ELP1: variants seen among roughly 807,000 people sequenced by gnomAD.
ELP1 encodes elongator acetyltransferase complex subunit 1, also known as elongator complex protein 1.
Under a neutral mutation model 183.2 loss-of-function variants are expected in ELP1, and 131 were observed. That is an observed-to-expected ratio of 0.72 (90% CI 0.62 to 0.83). The LOEUF (loss-of-function observed/expected upper bound fraction) is 0.83, where lower values mean the gene tolerates loss of function less well. Ranked by LOEUF, ELP1 falls within the 40% of genes least tolerant of loss-of-function variation. The pLI, the probability that ELP1 is intolerant of heterozygous loss-of-function variation, is 0.00. For missense variants in ELP1, 1,550 were observed against 1,594.9 expected (o/e 0.97, Z 0.48); for synonymous variants, 555 against 569.0 (o/e 0.98, Z 0.35).
chr9:108,922,737 G>T, intron 6 of ELP1, 105 bp downstream of exon 6: 1 of 826,150 alleles, frequency 1.2e-6, no homozygotes, highest in South Asian at 1.3e-5. Context: ...AAGCAGAAGA[G>T]AACTGTTCAT....
chr9:108,918,488 C>T (rs55662574), intron 8 of ELP1, among the ~76,000 whole-genome samples: 8 of 152,262 alleles, frequency 5.3e-5, no homozygotes, highest in Non-Finnish European at 1.2e-4. Flanking sequence ...TTCTAAACAC[C>T]ATTTTCTGCT....
chr9:108,910,845 C>A (rs116313204), intron 12 of ELP1, among the ~76,000 whole-genome samples, 165 bp downstream of exon 12: 6,503 of 117,252 alleles, frequency 0.055, 157 homozygotes, highest in Admixed American at 0.097. Context: ...AAAAAAAAAA[C>A]AAAAACCCAA....
chr9:108,922,874 C>A lies in ELP1; in HGVS notation c.520G>T (p.Glu174Ter), dbSNP rs758924768. The change falls in exon 6 of 37, where the codon GAA becomes TAA. Residue 174 changes from glutamate to a stop codon, truncating the protein, a stop_gained. Transcript: ENST00000374647. LOFTEE classifies it high-confidence loss of function. ...GRKETQFHGS[E>*]GRQAAFQMQM... ...ATCTGAAAAGCTGCTTGTCTGCCTT[C>A]TGATCCATGGAACTGTGTCTCCTTC... The A allele has an allele frequency of 6.2e-7, 1 of 1,614,090 alleles. No homozygotes were observed. Among genetic ancestry groups the A allele is most frequent in the East Asian group, 2.2e-5 (1 of 44,886 alleles).
rs547319456 is a variant in ELP1 at position 108,891,290 on chromosome 9, A to C, written c.3073T>G (p.Cys1025Gly). ...HEKALSAFLTCGNWKQALCVA... is the reference protein window; with the variant it reads ...HEKALSAFLTGGNWKQALCVA... ...CAGAGGGCTTGCTTCCAGTTGCCAC[A>C]TGTCAGAAAGGCTGAGAGAGCTTTC... Residue 1025 changes from cysteine to glycine, a missense_variant, in exon 28 of 37, where the codon TGT (cysteine) becomes GGT (glycine). Transcript: ENST00000374647. 13 of 1,614,236 alleles carry C rather than the reference A, an allele frequency of 8.1e-6. No individual in the cohort carries two copies. In the South Asian group the frequency reaches 1.3e-4, roughly 16 times the overall value.
chr9:108,884,905 C>A (rs1587878245), intron 29 of ELP1, among the ~76,000 whole-genome samples: 1 of 151,922 alleles, frequency 6.6e-6, no homozygotes, highest in Non-Finnish European at 1.5e-5. Flanking sequence ...ACTAGTAACA[C>A]CCCATCTCTA....
intron 11 of ELP1, 58 bp from the exon 12 acceptor site, chr9:108,911,238 G>A (rs1411749729): frequency 3.6e-5 from 55 of 1,513,568 alleles, no homozygotes; most frequent in Non-Finnish European, 5.0e-5. Context: ...TGTAAGATAA[G>A]CCATCTGAAC....
intron 14 of ELP1, among the ~76,000 whole-genome samples, chr9:108,905,894 CACACAT>C (rs150785163): frequency 0.05 from 7,518 of 150,946 alleles, 285 homozygotes; most frequent in African/African-American, 0.1. Context: ...CACACACACA[CACACAT>C]ATATGCGCAT....
intron 29 of ELP1, among the ~76,000 whole-genome samples, chr9:108,882,434 A>G (rs1196837749): frequency 6.6e-6 from 1 of 152,140 alleles, no homozygotes; most frequent in African/African-American, 2.4e-5. Context: ...GCACGCCTGG[A>G]CATCAAAACC....
chr9:108,919,922 CAG>C (rs1294463327), intron 6 of ELP1, among the ~76,000 whole-genome samples: 1 of 152,180 alleles, frequency 6.6e-6, no homozygotes, highest in Non-Finnish European at 1.5e-5. Context: ...GGGTGGGAGA[CAG>C]ATGACCACCC....
chr9:108,877,931 T>G (rs1587870590), intron 35 of ELP1, 64 bp downstream of exon 35: 67 of 1,548,170 alleles, frequency 4.3e-5, no homozygotes, highest in Non-Finnish European at 5.6e-5. Flanking sequence ...ACTTGGAGAT[T>G]GTGTGAATAC....
chr9:108,902,816 T>C (rs532056795), intron 16 of ELP1, 23 bp downstream of exon 16: 1 of 1,576,336 alleles, frequency 6.3e-7, no homozygotes, highest in African/African-American at 1.3e-5. Context: ...TTTAAGTAAA[T>C]TTCCTGCTCC....
intron 29 of ELP1, among the ~76,000 whole-genome samples, chr9:108,885,491 C>T (rs1828090625): frequency 6.9e-6 from 1 of 145,618 alleles, no homozygotes; most frequent in African/African-American, 2.6e-5. Flanking sequence ...AGGCTAATGT[C>T]TACTAAAGTA....
At chr9:108,924,381 T>C (rs1350774526) in intron 5 of ELP1, among the ~76,000 whole-genome samples, 7 of 152,032 alleles carry the variant, frequency 4.6e-5, no homozygotes, top group Admixed American at 1.3e-4. Context: ...CATCACTCCA[T>C]AGAATGATTT....
chr9:108,881,813 T>C, intron 30 of ELP1, 48 bp from the exon 31 acceptor site: 1 of 1,120,328 alleles, frequency 8.9e-7, no homozygotes, highest in Non-Finnish European at 1.4e-6. Context: ...TTCTAGTCAC[T>C]GGAGAGTTAA....
In ELP1 at chr9:108,916,194, G is replaced by C; in HGVS notation, c.958+10C>G. 6.2e-7 allele frequency: 1 copy of C among 1,606,810 alleles called. No homozygotes were observed. Among genetic ancestry groups the C allele is most frequent in the Non-Finnish European group, 8.5e-7 (1 of 1,173,314 alleles). ...TGGGGCAGAAGGCTGGGGTACTACA[G>C]CTGTCTTACCACAGGTTTTCGGAAT... is the stretch of plus-strand genomic sequence containing the variant. On this transcript the variant is annotated intron_variant, in intron 10 of 36. Transcript: ENST00000374647.
At chr9:108,879,998 C>T (rs983457144) in intron 32 of ELP1, 54 bp downstream of exon 32, 24 of 1,086,882 alleles carry the variant, frequency 2.2e-5, no homozygotes, top group African/African-American at 1.9e-4. Context: ...CAATGTGTGG[C>T]GTTACCCAAC....
At chr9:108,921,585 C>CAAA (rs11369159) in intron 6 of ELP1, among the ~76,000 whole-genome samples, 88 of 137,770 alleles carry the variant, frequency 6.4e-4, no homozygotes, top group African/African-American at 2.2e-3. Flanking sequence ...TAAGTCCTGC[C>CAAA]AAAAAAAAAA....
Position 108,868,902 on chromosome 9 carries a change from A to G in ELP1, c.*213T>C. ...CACAAAATGGTGCCATAATGGTTAA[A>G]GCTTAATGTCTTGCTAATGATCAAG... is the stretch of plus-strand genomic sequence containing the variant. On this transcript the variant is annotated 3_prime_UTR_variant, in exon 37 of 37. Transcript: ENST00000374647. The G allele has an allele frequency of 1.6e-6, 1 of 621,404 alleles. No homozygotes were observed. The allele number at this position is 621,404 out of a possible 1,614,324, so 38.5% of individuals were successfully genotyped here. A position where few individuals can be genotyped will look rare whatever the true frequency, so the allele number is the denominator to read the frequency against.
At chr9:108,875,837 G>A (rs1015359348) in intron 35 of ELP1, 25 of 287,570 alleles carry the variant, frequency 8.7e-5, no homozygotes, top group Non-Finnish European at 1.3e-4. Context: ...CCAGGCATTC[G>A]AGGCTGCACC....
Sources: gnomAD v4.1 joint callset for allele counts (sites outside exome capture counted in the v4.1 genomes callset) on GRCh38, gnomAD v4.1.1 for gene constraint, MANE v1.5 for transcripts, NCBI Gene and HGNC (gene_info 2026-07-23, HGNC 2026-07-21) for gene names.